The following TIMD4 variants were observed in gnomAD, a reference collection of about 807,000 sequenced individuals.
TIMD4 encodes T cell immunoglobulin and mucin domain containing 4, also known as T-cell immunoglobulin and mucin domain-containing protein 4.
In TIMD4, 31 loss-of-function variants were observed where a neutral mutation model predicts 41.2. The ratio of observed to expected loss-of-function variants is 0.75; its 90% CI spans 0.57 to 1.01. The LOEUF is 1.01. Among genes scored for constraint, TIMD4 ranks in the 50% least tolerant of loss-of-function variants. The pLI is 0.00. For missense variants in TIMD4, 479 were observed against 472.5 expected (o/e 1.01, Z -0.13); for synonymous variants, 204 against 177.1 (o/e 1.15, Z -1.21).
At chr5:156,943,417 AAAAC>A (rs1759681221) in intron 5 of TIMD4, among the ~76,000 whole-genome samples, 1 of 152,226 alleles carries the variant, frequency 6.6e-6, no homozygotes, top group African/African-American at 2.4e-5. Context: ...TTCTACAAGA[AAAAC>A]AAAAATCTCA....
chr5:156,946,595 G>A, intron 5 of TIMD4, among the ~76,000 whole-genome samples: 1 of 151,766 alleles, frequency 6.6e-6, no homozygotes, highest in Non-Finnish European at 1.5e-5. Context: ...TCCTGCCTCA[G>A]CCTCTCGAGT....
chr5:156,950,299 T>C (rs910023083), intron 3 of TIMD4, among the ~76,000 whole-genome samples: 63 of 152,324 alleles, frequency 4.1e-4, no homozygotes, highest in African/African-American at 1.4e-3. Context: ...CTTCTTTATA[T>C]ATTTCAAGTT....
At chr5:156,934,257 A>G (rs563100781) in intron 5 of TIMD4, among the ~76,000 whole-genome samples, 3 of 152,220 alleles carry the variant, frequency 2.0e-5, no homozygotes, top group East Asian at 3.9e-4. Flanking sequence ...AATTTTTTAA[A>G]AACCTAGAGA....
At chr5:156,949,613 A>C (rs1759814399) in intron 4 of TIMD4, 38 bp downstream of exon 4, 3 of 1,503,346 alleles carry the variant, frequency 2.0e-6, no homozygotes, top group African/African-American at 1.4e-5. Context: ...CTCAGTACAA[A>C]GGGTGAGGGA....
chr5:156,933,821 A>G (rs1440587737), intron 5 of TIMD4, among the ~76,000 whole-genome samples: 1 of 152,062 alleles, frequency 6.6e-6, no homozygotes. Flanking sequence ...TGGCCTCCTA[A>G]AGTGGTGGGA....
chr5:156,940,686 C>T (rs960998389), intron 5 of TIMD4, among the ~76,000 whole-genome samples: 8 of 151,784 alleles, frequency 5.3e-5, no homozygotes, highest in Non-Finnish European at 8.8e-5. Flanking sequence ...CCGGCTGCCC[C>T]GTATGAGAAG....
chr5:156,940,101 C>T (rs893582248), intron 5 of TIMD4, among the ~76,000 whole-genome samples: 1 of 152,232 alleles, frequency 6.6e-6, no homozygotes, highest in East Asian at 1.9e-4. Flanking sequence ...GGATTGCAGG[C>T]GCGTGCCGCC....
At chr5:156,950,072 T>A (rs565210800) in intron 3 of TIMD4, among the ~76,000 whole-genome samples, 1 of 152,272 alleles carries the variant, frequency 6.6e-6, no homozygotes, top group South Asian at 2.1e-4. Flanking sequence ...CCTGCTTTGG[T>A]CTCCCAAAGT....
intron 5 of TIMD4, among the ~76,000 whole-genome samples, chr5:156,947,449 G>A (rs1381708575): frequency 6.6e-6 from 1 of 152,164 alleles, no homozygotes. Context: ...CCTAACTACA[G>A]AAACACTTGC....
chr5:156,950,697 A>G (rs1759835767), intron 3 of TIMD4, among the ~76,000 whole-genome samples: 1 of 152,208 alleles, frequency 6.6e-6, no homozygotes, highest in Non-Finnish European at 1.5e-5. Context: ...TCCAGGGGAA[A>G]AAAAAGAAAC....
rs865904505 is a variant in TIMD4 at position 156,948,469 on chromosome 5, G to T, written c.791C>A (p.Ser264Tyr). 2.6e-6 allele frequency: 4 copies of T among 1,558,142 alleles called. No homozygotes were observed. Among genetic ancestry groups the T allele is most frequent in the Non-Finnish European group, 3.5e-6 (4 of 1,151,468 alleles). ...ESKVWDLPST[S>Y]HVSMWKTSDS... ...ACTCGTTTTCCACATTGACACGTGG[G>T]ATGTTGATGGGAGATCCCAAACTTT... The change falls in exon 5 of 9, where the codon TCC (serine) becomes TAC (tyrosine). Residue 264 changes from serine to tyrosine, a missense_variant. By Grantham distance (144) the Ser-to-Tyr change is moderately radical. Coordinates refer to ENST00000274532, the MANE Select transcript of TIMD4 (RefSeq NM_138379.3).
rs932982066 is a variant in TIMD4 at position 156,951,720 on chromosome 5, G to T, written c.471C>A (p.Thr157=). ...CAGCTGGGGTTGTTGTCATTTGTCG[G>T]GTGGTGGTGGGGCTTGTTGTTGTTG... ...RRTTTTSPTT[T]RQMTTTPAAL... Residue 157 remains threonine (T), a synonymous_variant, in exon 3 of 9, where the codon ACC becomes ACA. Coordinates refer to ENST00000274532, the MANE Select transcript of TIMD4 (RefSeq NM_138379.3). 14 of 1,613,986 alleles carry T rather than the reference G, an allele frequency of 8.7e-6. No homozygotes were observed. Among genetic ancestry groups the T allele is most frequent in the African/African-American group, 1.3e-5 (1 of 74,898 alleles).
intron 5 of TIMD4, among the ~76,000 whole-genome samples, chr5:156,926,526 C>T (rs1026151617): frequency 5.3e-5 from 8 of 152,190 alleles, no homozygotes; most frequent in Non-Finnish European, 7.3e-5. Context: ...CTGGGAACAT[C>T]ACCATTTTAC....
chr5:156,922,893 T>A (rs996791423), intron 6 of TIMD4, among the ~76,000 whole-genome samples: 2 of 152,230 alleles, frequency 1.3e-5, no homozygotes, highest in Non-Finnish European at 2.9e-5. Context: ...CTCACTAATA[T>A]TTTTTCAAAA....
chr5:156,919,685 T>C, intron 8 of TIMD4, 144 bp from the exon 9 acceptor site: 1 of 603,170 alleles, frequency 1.7e-6, no homozygotes, highest in Non-Finnish European at 2.9e-6. Flanking sequence ...ATTTTACAGA[T>C]GGGAAAACTG....
intron 6 of TIMD4, among the ~76,000 whole-genome samples, chr5:156,923,356 C>T (rs1292156698): frequency 6.6e-6 from 1 of 152,000 alleles, no homozygotes; most frequent in African/African-American, 2.4e-5. Flanking sequence ...ACCATGTTGG[C>T]TAGGCTGGTC....
intron 1 of TIMD4, among the ~76,000 whole-genome samples, chr5:156,959,729 A>T (rs7700802): frequency 0.034 from 5,100 of 152,140 alleles, 222 homozygotes; most frequent in African/African-American, 0.096. Flanking sequence ...CTCTCTTTTA[A>T]TTTGGTTATC....
intron 6 of TIMD4, among the ~76,000 whole-genome samples, chr5:156,922,718 A>G (rs1759266749): frequency 6.6e-6 from 1 of 152,226 alleles, no homozygotes; most frequent in African/African-American, 2.4e-5. Flanking sequence ...TATACAGTAT[A>G]CTTTCCCAGA....
At chr5:156,953,653 C>CA (rs35165963) in intron 2 of TIMD4, among the ~76,000 whole-genome samples, 6,428 of 58,170 alleles carry the variant, frequency 0.11, 803 homozygotes, top group African/African-American at 0.29. Context: ...AAACTCTGTC[C>CA]AAAAAAAAAA....
Sources: gnomAD v4.1 joint callset for allele counts (sites outside exome capture counted in the v4.1 genomes callset) on GRCh38, gnomAD v4.1.1 for gene constraint, MANE v1.5 for transcripts, NCBI Gene and HGNC (gene_info 2026-07-23, HGNC 2026-07-21) for gene names.